Variants in BICRAL observed in about 807,000 individuals in gnomAD.
BICRAL encodes the protein BRD4-interacting chromatin-remodeling complex-associated protein-like.
BICRAL carries 8 observed loss-of-function variants against 91.8 expected under a neutral mutation model. The observed-to-expected ratio is 0.09, with a 90% CI of 0.05 to 0.16. The LOEUF (loss-of-function observed/expected upper bound fraction) is 0.16. BICRAL is among the 10% of genes least tolerant of loss of function. BICRAL has a pLI of 1.00. For missense variants in BICRAL, 1,038 were observed against 1,310.9 expected, an observed-to-expected ratio of 0.79 and a Z score of 3.21; for synonymous variants, 445 against 491.1, an observed-to-expected ratio of 0.91 and a Z score of 1.24.
chr6:42,826,304 G>A lies in BICRAL; in HGVS notation c.160-2189G>A, dbSNP rs1002942069. ...GGCTGAAGTGCAGTGGTGCAATCTC[G>A]GCTCACTGCAACCTCCACCTCCTGG... On this transcript the variant is annotated intron_variant, in intron 5 of 12. Transcript: ENST00000314073. Among the ~76,000 whole-genome samples the A allele has an allele frequency of 3.5e-5, 5 of 142,010 alleles. No individual in the cohort carries two copies. The East Asian group carries it at 6.3e-4, about 18-fold the overall frequency. 93.2% of individuals were successfully genotyped at this position (142,010 alleles called of 152,430 possible). A position where few individuals can be genotyped will look rare whatever the true frequency, so the allele number is the denominator to read the frequency against.
chr6:42,794,802 A>AAG (rs1763375196), intron 1 of BICRAL, among the ~76,000 whole-genome samples: 1 of 150,384 alleles, frequency 6.6e-6, no homozygotes, highest in South Asian at 2.1e-4. Context: ...TACAAAAAAA[A>AAG]AAAAAAAAAA....
chr6:42,754,614 G>A (rs1186796952), intron 1 of BICRAL, among the ~76,000 whole-genome samples: 1 of 152,218 alleles, frequency 6.6e-6, no homozygotes, highest in East Asian at 1.9e-4. Flanking sequence ...GATCAAGGCT[G>A]GGCATGGCAG....
In BICRAL at chr6:42,832,409, GTA is replaced by G. The variant is rs1008719988; in HGVS notation, c.1839+2246_1839+2247del. ...TATGTATATATATATACATATATAT[GTA>G]TATATATAATATATTATGTATTTAT... On this transcript the variant is annotated intron_variant, in intron 6 of 12. Coordinates refer to ENST00000314073, the MANE Select transcript of BICRAL (RefSeq NM_001393499.1). 2.1e-5 allele frequency among the ~76,000 whole-genome samples: 3 copies of G among 145,826 alleles called. No homozygotes were observed. In the Admixed American group the frequency reaches 2.1e-4, roughly 10 times the overall value.
chr6:42,770,421 T>A (rs76437376), intron 1 of BICRAL, among the ~76,000 whole-genome samples: 5,059 of 146,288 alleles, frequency 0.035, 129 homozygotes, highest in South Asian at 0.059. Flanking sequence ...TATTTTTTTT[T>A]TTTTTTTTTT....
At chr6:42,779,857 G>T (rs1357834521), upstream of BICRAL, among the ~76,000 whole-genome samples, 1 of 152,126 alleles carries the variant, frequency 6.6e-6, no homozygotes, top group East Asian at 1.9e-4. Context: ...CTGGCCTCAA[G>T]CTATCCTCCC....
intron 1 of BICRAL, among the ~76,000 whole-genome samples, chr6:42,764,797 C>T (rs1212634813): frequency 1.3e-5 from 2 of 151,924 alleles, no homozygotes; most frequent in Non-Finnish European, 2.9e-5. Flanking sequence ...GTAACTGGTA[C>T]TACAGGCGTG....
At chr6:42,796,352 A>AGT (rs1763413436) in intron 1 of BICRAL, among the ~76,000 whole-genome samples, 1 of 152,210 alleles carries the variant, frequency 6.6e-6, no homozygotes, top group South Asian at 2.1e-4. Context: ...GACAGCAGCC[A>AGT]GTGCAAAGGG....
chr6:42,830,278 AT>A, intron 6 of BICRAL, 106 bp downstream of exon 6: 1 of 1,258,500 alleles, frequency 7.9e-7, no homozygotes, highest in Non-Finnish European at 1.1e-6. Context: ...TTTCTTAAAA[AT>A]TTTAGGCCAG....
chr6:42,807,602 G>A (rs962327929), intron 1 of BICRAL, among the ~76,000 whole-genome samples: 7 of 151,500 alleles, frequency 4.6e-5, no homozygotes, highest in Admixed American at 2.0e-4. Flanking sequence ...GAGGTCAAGT[G>A]ATTGAGACCA....
At chr6:42,838,794 C>G (rs1225277993) in intron 6 of BICRAL, among the ~76,000 whole-genome samples, 1 of 152,096 alleles carries the variant, frequency 6.6e-6, no homozygotes, top group African/African-American at 2.4e-5. Flanking sequence ...AACCCCATCT[C>G]TACTAAAAAT....
At chr6:42,771,145 T>C (rs1259625342) in intron 1 of BICRAL, among the ~76,000 whole-genome samples, 1 of 152,210 alleles carries the variant, frequency 6.6e-6, no homozygotes, top group Non-Finnish European at 1.5e-5. Flanking sequence ...TACAAGGACA[T>C]GGAGCAAATT....
chr6:42,804,541 A>C (rs1763658590), intron 1 of BICRAL, among the ~76,000 whole-genome samples: 1 of 152,194 alleles, frequency 6.6e-6, no homozygotes, highest in Admixed American at 6.5e-5. Context: ...ATAAGTAGGC[A>C]TTGTCAGTTG....
chr6:42,845,820 T>C (rs1764990092), intron 6 of BICRAL, among the ~76,000 whole-genome samples: 1 of 151,474 alleles, frequency 6.6e-6, no homozygotes, highest in East Asian at 1.9e-4. Flanking sequence ...TCCCAGCACT[T>C]TGGGAGGCCG....
In BICRAL at chr6:42,865,283, G is replaced by A; in HGVS notation, c.3077G>A (p.Ser1026Asn). The A allele has an allele frequency of 6.2e-7, 1 of 1,614,178 alleles. No individual in the cohort carries two copies. Among genetic ancestry groups the A allele is most frequent in the Non-Finnish European group, 8.5e-7 (1 of 1,180,042 alleles). ...ELKKAGRQPQ[S>N]DPTVSGSVEL... is the part of the protein sequence containing the mutation. ...AAAAAGGCGGGACGGCAGCCCCAGAGTGACCCCACGGTTAGCGGCTCTGTT... is the reference window on the plus strand; with the variant it reads ...AAAAAGGCGGGACGGCAGCCCCAGAATGACCCCACGGTTAGCGGCTCTGTT... Residue 1026 changes from serine (S) to asparagine (N), a missense_variant, in exon 13 of 13, where the codon AGT (serine) becomes AAT (asparagine). Physicochemically the swap from Ser to Asn is conservative, Grantham distance 46 (BLOSUM62 1). Transcript: ENST00000314073.
intron 1 of BICRAL, among the ~76,000 whole-genome samples, chr6:42,770,311 C>T (rs1433227757): frequency 6.6e-6 from 1 of 152,236 alleles, no homozygotes; most frequent in Admixed American, 6.5e-5. Flanking sequence ...TCACTGCAAC[C>T]TTCGCCTCTC....
chr6:42,785,805 C>T (rs1763088983), intron 1 of BICRAL, among the ~76,000 whole-genome samples: 1 of 152,056 alleles, frequency 6.6e-6, no homozygotes, highest in Non-Finnish European at 1.5e-5. Flanking sequence ...CCTGTAATCC[C>T]AGCACTTCGG....
At chr6:42,821,796 A>G (rs1764143755) in intron 2 of BICRAL, among the ~76,000 whole-genome samples, 1 of 152,216 alleles carries the variant, frequency 6.6e-6, no homozygotes, top group African/African-American at 2.4e-5. Context: ...TTTTTGACTT[A>G]TAAGTTAAAG....
intron 1 of BICRAL, among the ~76,000 whole-genome samples, chr6:42,809,555 C>T (rs1401071586): frequency 6.7e-6 from 1 of 149,704 alleles, no homozygotes; most frequent in Non-Finnish European, 1.5e-5. Context: ...AGATTCAAGC[C>T]TCCTCACCTC....
Position 42,860,335 on chromosome 6 carries a change from C to G in BICRAL, c.2328C>G (p.Cys776Trp). 6.2e-7 allele frequency: 1 copy of G among 1,605,588 alleles called. No homozygotes were observed. The highest frequency in any genetic ancestry group is 1.3e-5 in the African/African-American group (1 of 74,840). ...AAGCTATGCTTAACAAATACAGATGCCTGCTCCTAGAAGATGCCATGGTAA... is the reference window on the plus strand; with the variant it reads ...AAGCTATGCTTAACAAATACAGATGGCTGCTCCTAGAAGATGCCATGGTAA... ...RTQAMLNKYR[C>W]LLLEDAMRIN... Residue 776 changes from cysteine (C) to tryptophan (W), a missense_variant, in exon 11 of 13, where the codon TGC (cysteine) becomes TGG (tryptophan). Physicochemically the swap from Cys to Trp is radical, Grantham distance 215. Transcript: ENST00000314073.
Sources: gnomAD v4.1 joint callset for allele counts (sites outside exome capture counted in the v4.1 genomes callset) on GRCh38, gnomAD v4.1.1 for gene constraint, MANE v1.5 for transcripts, NCBI Gene and HGNC (gene_info 2026-07-23, HGNC 2026-07-21) for gene names.